Variants in CACNA1G observed in about 807,000 individuals in gnomAD.
CACNA1G encodes the protein voltage-dependent T-type calcium channel subunit alpha-1G.
In CACNA1G, 67 loss-of-function variants were observed where a neutral mutation model predicts 219.4. The observed-to-expected ratio is 0.31, with a 90% CI of 0.25 to 0.37. CACNA1G has a LOEUF of 0.37. Among genes scored for constraint, CACNA1G ranks in the 10% least tolerant of loss-of-function variants. The pLI is 1.00. For missense variants in CACNA1G, 2,380 were observed against 3,231.4 expected (o/e 0.74, Z 6.39); for synonymous variants, 1,296 against 1,345.3 (o/e 0.96, Z 0.80).
At chr17:50,574,022 G>A (rs1343557142) in intron 7 of CACNA1G, among the ~76,000 whole-genome samples, 1 of 152,190 alleles carries the variant, frequency 6.6e-6, no homozygotes, top group African/African-American at 2.4e-5. Flanking sequence ...CAAGAGTGGG[G>A]CATCACTGCT....
At position 50,607,501 on chromosome 17, in the gene CACNA1G, G is replaced by GAA. The variant is rs56029700; in HGVS notation, c.4513-321_4513-320dup. On this transcript the variant is annotated intron_variant, in intron 24 of 37. Transcript: ENST00000359106. ...GAACAAGACCCTGTCTCTAAAAAAAGAAAAAATAATGGTGAGTTTTACACA... is the reference window on the plus strand; with the variant it reads ...GAACAAGACCCTGTCTCTAAAAAAAGAAAAAAAATAATGGTGAGTTTTACACA... 2,515 of 296,686 alleles carry GAA rather than the reference G, an allele frequency of 8.5e-3. 9 individuals are homozygous for GAA. The highest frequency in any genetic ancestry group is 0.041 in the East Asian group (527 of 12,730). The allele number at this position is 296,686 out of a possible 1,614,324, so 18.4% of individuals were successfully genotyped here.
intron 7 of CACNA1G, chr17:50,573,462 G>GTTTTGA (rs1366920577): frequency 2.7e-4 from 55 of 206,044 alleles, no homozygotes; most frequent in South Asian, 3.8e-4. Context: ...GGTGATTCTG[G>GTTTTGA]TTTTGATTTT....
At chr17:50,610,119 G>A (rs752468778) in intron 26 of CACNA1G, among the ~76,000 whole-genome samples, 184 bp downstream of exon 26, 2 of 152,322 alleles carry the variant, frequency 1.3e-5, no homozygotes, top group East Asian at 1.9e-4. Flanking sequence ...GACGGGAGGC[G>A]AGGGCCTGAG....
rs34036927 is a variant in CACNA1G at position 50,627,439 on chromosome 17, A to C, written c.*688A>C. 70,392 of 247,804 alleles carry C rather than the reference A, an allele frequency of 0.28. 9,255 individuals carry two copies. Among genetic ancestry groups the C allele is most frequent in the South Asian group, 0.4 (8,527 of 21,356 alleles). 15.4% of individuals were successfully genotyped at this position (247,804 alleles called of 1,614,324 possible). A position where few individuals can be genotyped will look rare whatever the true frequency, so the allele number is the denominator to read the frequency against. On this transcript the variant is annotated 3_prime_UTR_variant, in exon 38 of 38. Transcript: ENST00000359106. ...CATACATATCTATCTATCTATCTAT[A>C]TATATATAAAATAAAGTAATTTTCC...
Position 50,599,489 on chromosome 17 carries a change from G to A in CACNA1G, c.3320G>A (p.Arg1107His), listed in dbSNP as rs778744463. The stretch of plus-strand genomic sequence containing the variant: ...GCTGCAAGCAGCTGGACCAGCAGGC[G>A]CTCCAGCCGGAACAGCCTCGGCCGT... Reference protein sequence around the residue: ...WSAASSWTSRRSSRNSLGRAP... With the variant: ...WSAASSWTSRHSSRNSLGRAP... The change falls in exon 17 of 38, where the codon CGC becomes CAC. Residue 1107 changes from arginine to histidine, a missense_variant. Around this residue, in one of 17 missense-constraint regions of CACNA1G, gnomAD observed 418 missense variants for 434.3 expected, o/e 0.96. Transcript: ENST00000359106. 24 of 1,594,454 alleles carry A rather than the reference G, an allele frequency of 1.5e-5. No individual in the cohort carries two copies. The highest frequency in any genetic ancestry group is 1.4e-4 in the South Asian group (12 of 88,226).
chr17:50,621,879 T>C lies in CACNA1G; in HGVS notation c.6060+85T>C. ...CTCCAGATCGGCCCAGGGAGGGTCC[T>C]GGGGCCGCCTCCTCTCAGTTTGCTG... On this transcript the variant is annotated intron_variant, in intron 35 of 37. Coordinates refer to ENST00000359106, the MANE Select transcript of CACNA1G (RefSeq NM_018896.5). This position sits in a 1 kb window ranked among gnomAD's most constrained non-coding sequence, Gnocchi z 4.6. 2.8e-6 allele frequency: 4 copies of C among 1,453,058 alleles called. No individual in the cohort carries two copies. Among genetic ancestry groups the C allele is most frequent in the Non-Finnish European group, 3.8e-6 (4 of 1,054,528 alleles). 90.0% of individuals were successfully genotyped at this position (1,453,058 alleles called of 1,614,324 possible).
At chr17:50,585,213 A>G (rs1029774311) in intron 9 of CACNA1G, among the ~76,000 whole-genome samples, 5 of 152,148 alleles carry the variant, frequency 3.3e-5, no homozygotes, top group African/African-American at 9.7e-5. Context: ...TGGCTTGATC[A>G]TGGCTCACTA....
intron 19 of CACNA1G, 118 bp from the exon 20 acceptor site, chr17:50,602,702 T>G (rs1598504076): frequency 1.4e-5 from 11 of 788,222 alleles, no homozygotes; most frequent in African/African-American, 1.7e-5. Context: ...TTGTGGAGGG[T>G]GGGGGTCGTT....
chr17:50,589,980 T>C (rs1043399029), intron 9 of CACNA1G, among the ~76,000 whole-genome samples: 1 of 151,356 alleles, frequency 6.6e-6, no homozygotes, highest in African/African-American at 2.4e-5. Flanking sequence ...CCAACTGTTG[T>C]CCAAGAGAAA....
rs760781891 is a variant in CACNA1G at position 50,616,397 on chromosome 17, A to AG, written c.5021+19dup. 3 of 1,520,278 alleles carry AG rather than the reference A, an allele frequency of 2.0e-6. No homozygotes were observed. The highest frequency in any genetic ancestry group is 2.7e-6 in the Non-Finnish European group (3 of 1,095,016). The allele number at this position is 1,520,278 out of a possible 1,614,324, so 94.2% of individuals were successfully genotyped here. On this transcript the variant is annotated intron_variant, in intron 28 of 37. Transcript: ENST00000359106. ...TCTTCCAGGACAGGTAACGGAGAAA[A>AG]GGGGGGTCTTGGGGACTTGCGTAGA...
chr17:50,602,668 A>G lies in CACNA1G; in HGVS notation c.3916-152A>G, dbSNP rs553693387. 7.9e-5 allele frequency among the ~76,000 whole-genome samples: 12 copies of G among 152,108 alleles called. No homozygotes were observed. In the East Asian group the frequency reaches 2.3e-3, roughly 29 times the overall value. ...GGCCTGGCACTGGCTCTGTGCGTGT[A>G]TGAGAGGGGCGTGATCTACATTGTT... is the stretch of plus-strand genomic sequence containing the variant. On this transcript the variant is annotated intron_variant, in intron 19 of 37. Transcript: ENST00000359106.
chr17:50,624,038 G>A lies in CACNA1G; in HGVS notation c.6192G>A (p.Leu2064=). The A allele has an allele frequency of 6.2e-7, 1 of 1,612,682 alleles. No homozygotes were observed. Among genetic ancestry groups the A allele is most frequent in the East Asian group, 2.2e-5 (1 of 44,800 alleles). The change falls in exon 36 of 38, where the codon CTG becomes CTA. Residue 2064 remains leucine (L), a synonymous_variant. Coordinates refer to ENST00000359106, the MANE Select transcript of CACNA1G (RefSeq NM_018896.5). The stretch of plus-strand genomic sequence containing the variant: ...ATGGGAGCACTGCCGAGGGGCCCCT[G>A]GGACACAGGGGCTGGGGGCTCCCCA... ...CRHGSTAEGP[L]GHRGWGLPKA...
chr17:50,615,061 T>C (rs1215008538), intron 26 of CACNA1G, among the ~76,000 whole-genome samples: 1 of 152,030 alleles, frequency 6.6e-6, no homozygotes, highest in African/African-American at 2.4e-5. Context: ...TATGAGGGGC[T>C]GGTGGATTTT....
In CACNA1G at chr17:50,617,382, C is replaced by A; in HGVS notation, c.5022-56C>A. ...CCTGTCTTTCTGTGCCACGACTGCC[C>A]CCTCCTTCAGGAACCCCCTCCCCCA... is the stretch of plus-strand genomic sequence containing the variant. On this transcript the variant is annotated intron_variant, in intron 28 of 37. Transcript: ENST00000359106. This position sits in a 1 kb window ranked among gnomAD's most constrained non-coding sequence, Gnocchi z 5.8. 6.4e-7 allele frequency: 1 copy of A among 1,567,412 alleles called. No homozygotes were observed. The highest frequency in any genetic ancestry group is 2.3e-5 in the East Asian group (1 of 44,158).
At chr17:50,588,454 C>G (rs1032333715) in intron 9 of CACNA1G, among the ~76,000 whole-genome samples, 1 of 152,254 alleles carries the variant, frequency 6.6e-6, no homozygotes, top group African/African-American at 2.4e-5. Context: ...TTTGCCGACT[C>G]CCGCTCCCTG....
Position 50,596,159 on chromosome 17 carries a change from AG to A in CACNA1G, c.2980-402del, listed in dbSNP as rs2045501117. Among the ~76,000 whole-genome samples, 1 of 152,116 alleles carries A rather than the reference AG, an allele frequency of 6.6e-6. No individual in the cohort carries two copies. Among genetic ancestry groups the A allele is most frequent in the African/African-American group, 2.4e-5 (1 of 41,392 alleles). ...CAGGGGAGGGGAGCCGTGGAGAGAA[AG>A]CAAAGGGCCTCCAGTGAACTTTTGC... On this transcript the variant is annotated intron_variant, in intron 14 of 37. Coordinates refer to ENST00000359106, the MANE Select transcript of CACNA1G (RefSeq NM_018896.5). The surrounding 1 kb of genome is among the most constrained non-coding windows in gnomAD (Gnocchi z 4.8).
In CACNA1G at chr17:50,619,724, C is replaced by A; in HGVS notation, c.5823C>A (p.Gly1941=). 4.3e-6 allele frequency: 7 copies of A among 1,610,556 alleles called. No individual in the cohort carries two copies. Among genetic ancestry groups the A allele is most frequent in the Non-Finnish European group, 5.9e-6 (7 of 1,179,222 alleles). The change falls in exon 34 of 38, where the codon GGC becomes GGA. Residue 1941 remains glycine (G), a synonymous_variant. Transcript: ENST00000359106. ...LFDTISLLIQ[G]SLEWELKLMD... is the part of the protein sequence containing the mutation. ...ACACCATATCCCTGCTGATCCAGGG[C>A]TCCCTGGAGTGGGAGCTGAAGCTGA...
chr17:50,617,338 G>T lies in CACNA1G; in HGVS notation c.5022-100G>T. ...GGGATGGGAGGCTGGACCCGCTGATGTCTGCCCTCCTTTCAAGCCCTGTCT... is the reference window on the plus strand; with the variant it reads ...GGGATGGGAGGCTGGACCCGCTGATTTCTGCCCTCCTTTCAAGCCCTGTCT... On this transcript the variant is annotated intron_variant, in intron 28 of 37. Transcript: ENST00000359106. This position sits in a 1 kb window ranked among gnomAD's most constrained non-coding sequence, Gnocchi z 5.8. 7.4e-7 allele frequency: 1 copy of T among 1,344,652 alleles called. No individual in the cohort carries two copies. 83.3% of individuals were successfully genotyped at this position (1,344,652 alleles called of 1,614,324 possible).
chr17:50,564,125 A>AGTGTGTGTGTGTGTGTGTGT lies in CACNA1G; in HGVS notation c.242+2443_242+2462dup, dbSNP rs67152102. ...AGAGGAGATCTAGACCCAGGTAGGA[A>AGTGTGTGTGTGTGTGTGTGT]GTGTGTGTGTGTGTGTGTGTGTGTG... is the stretch of plus-strand genomic sequence containing the variant. On this transcript the variant is annotated intron_variant, in intron 1 of 37. Coordinates refer to ENST00000359106, the MANE Select transcript of CACNA1G (RefSeq NM_018896.5). Among the ~76,000 whole-genome samples, 1,233 of 138,668 alleles carry AGTGTGTGTGTGTGTGTGTGT rather than the reference A, an allele frequency of 8.9e-3. 34 individuals carry two copies. Among genetic ancestry groups the AGTGTGTGTGTGTGTGTGTGT allele is most frequent in the African/African-American group, 0.031 (1,079 of 34,264 alleles). 91.0% of individuals were successfully genotyped at this position (138,668 alleles called of 152,430 possible).
Sources: allele counts gnomAD v4.1 joint callset (sites outside exome capture counted in the v4.1 genomes callset), GRCh38; gene constraint gnomAD v4.1.1; regional missense constraint gnomAD v4.1.1; non-coding constraint Gnocchi (gnomAD v3.1); transcripts MANE v1.5; gene names NCBI Gene and HGNC (gene_info 2026-07-23, HGNC 2026-07-21).